Variants in ZNF493 observed in about 807,000 individuals in gnomAD.
The protein encoded by ZNF493 is zinc finger protein 493.
In ZNF493, 11 loss-of-function variants were observed where a neutral mutation model predicts 12.2. The observed-to-expected ratio is 0.90, with a 90% CI of 0.57 to 1.50. The LOEUF (loss-of-function observed/expected upper bound fraction) is 1.50. Ranked by LOEUF, ZNF493 falls within the 40% of genes most tolerant of loss-of-function variation. The probability of loss-of-function intolerance (pLI) is 0.00; values close to 1 mark genes in which losing one functional copy is unlikely to be tolerated. For synonymous variants in ZNF493, 286 were observed against 302.6 expected (o/e 0.95, Z 0.57); for missense variants, 950 against 906.6 (o/e 1.05, Z -0.61).
At position 21,427,563 on chromosome 19, in the gene ZNF493, T is replaced by C. The variant is rs2030886159; in HGVS notation, c.*2579T>C. On this transcript the variant is annotated 3_prime_UTR_variant, in exon 4 of 4. Transcript: ENST00000392288. ...ATATTATTGTGCATTCAATAAAGTG[T>C]TGTTATGCCACAAAGATTAACATTT... 3 of 152,194 alleles carry C rather than the reference T, an allele frequency of 2.0e-5. No homozygotes were observed. 9.4% of individuals were successfully genotyped at this position (152,194 alleles called of 1,614,324 possible). A position where few individuals can be genotyped will look rare whatever the true frequency, so the allele number is the denominator to read the frequency against.
chr19:21,406,864 C>CTATA (rs1369041000), intron 3 of ZNF493, among the ~76,000 whole-genome samples: 1 of 151,800 alleles, frequency 6.6e-6, no homozygotes, highest in Non-Finnish European at 1.5e-5. Flanking sequence ...TTTGCTGAAT[C>CTATA]TATAGATTAC....
intron 3 of ZNF493, chr19:21,413,506 A>T: frequency 2.5e-6 from 1 of 404,460 alleles, no homozygotes; most frequent in Non-Finnish European, 4.3e-6. Context: ...GATCTGTCCC[A>T]AGGTGGGTGG....
intron 1 of ZNF493, among the ~76,000 whole-genome samples, chr19:21,400,741 A>G (rs542360252): frequency 1.4e-3 from 208 of 152,324 alleles, no homozygotes; most frequent in Non-Finnish European, 2.1e-3. Flanking sequence ...TTAAGATAAA[A>G]GGGGACAGGG....
rs1296853792 is a variant in ZNF493 at position 21,426,480 on chromosome 19, T to A, written c.*1496T>A. On this transcript the variant is annotated 3_prime_UTR_variant, in exon 4 of 4. Coordinates refer to ENST00000392288, the MANE Select transcript of ZNF493 (RefSeq NM_001076678.3). ...TTTCAGAAAATATTATCCTTTAAAG[T>A]GAAGGAGAGTATTTATATTAAAGAT... The A allele has an allele frequency of 6.0e-6, 1 of 167,318 alleles. No individual in the cohort carries two copies. Among genetic ancestry groups the A allele is most frequent in the Non-Finnish European group, 1.5e-5 (1 of 68,416 alleles). The allele number at this position is 167,318 out of a possible 1,614,324, so 10.4% of individuals were successfully genotyped here.
At chr19:21,401,147 GAA>G (rs2029931471) in intron 1 of ZNF493, among the ~76,000 whole-genome samples, 2 of 152,126 alleles carry the variant, frequency 1.3e-5, no homozygotes. Flanking sequence ...CTAGTTTTTT[GAA>G]AGTTTTAAAC....
At chr19:21,422,467 A>AT (rs1229203561) in intron 3 of ZNF493, among the ~76,000 whole-genome samples, 9 of 67,266 alleles carry the variant, frequency 1.3e-4, no homozygotes, top group African/African-American at 4.7e-5. Flanking sequence ...TTATTTTTAT[A>AT]ATTTTTTTTT....
Position 21,397,321 on chromosome 19 carries a change from G to T in ZNF493, c.30+54G>T, listed in dbSNP as rs754496673. Reference sequence around the variant, plus strand: ...AGAGGGGAAGGAGTTGCTCGGAACCGGTGGGAAGTGGCTGTGGCGGGACTC... The same window carrying T: ...AGAGGGGAAGGAGTTGCTCGGAACCTGTGGGAAGTGGCTGTGGCGGGACTC... On this transcript the variant is annotated intron_variant, in intron 1 of 3. Coordinates refer to ENST00000392288, the MANE Select transcript of ZNF493 (RefSeq NM_001076678.3). 3.1e-6 allele frequency: 5 copies of T among 1,607,648 alleles called. No homozygotes were observed. The African/African-American group carries it at 6.7e-5, about 21-fold the overall frequency.
At chr19:21,399,545 G>C (rs1974227902) in intron 1 of ZNF493, among the ~76,000 whole-genome samples, 1 of 152,116 alleles carries the variant, frequency 6.6e-6, no homozygotes, top group Admixed American at 6.5e-5. Flanking sequence ...CAGTTTTTTA[G>C]CTGTAAATTG....
chr19:21,421,620 C>A lies in ZNF493; in HGVS notation c.254-1293C>A, dbSNP rs1426087342. Among the ~76,000 whole-genome samples the A allele has an allele frequency of 3.3e-5, 5 of 152,154 alleles. No individual in the cohort carries two copies. In the South Asian group the frequency reaches 6.2e-4, roughly 19 times the overall value. On this transcript the variant is annotated intron_variant, in intron 3 of 3. Transcript: ENST00000392288. ...CCTCAGGTGATCCACCCACCTCAGC[C>A]TCCCAAAGTGTGGGATTACAGGTGT... is the stretch of plus-strand genomic sequence containing the variant.
chr19:21,426,153 A>G lies in ZNF493; in HGVS notation c.*1169A>G, dbSNP rs1255760882. ...TCTGACAACATCTCAAACTTTTCTA[A>G]TCATAAAAGAAATCATATTGGTGAG... On this transcript the variant is annotated 3_prime_UTR_variant, in exon 4 of 4. Coordinates refer to ENST00000392288, the MANE Select transcript of ZNF493 (RefSeq NM_001076678.3). 8.7e-6 allele frequency: 2 copies of G among 230,372 alleles called. No homozygotes were observed. The highest frequency in any genetic ancestry group is 1.9e-5 in the Non-Finnish European group (2 of 105,080). 14.3% of individuals were successfully genotyped at this position (230,372 alleles called of 1,614,324 possible).
intron 1 of ZNF493, 23 bp from the exon 2 acceptor site, chr19:21,405,106 G>C (rs1331244518): frequency 6.2e-7 from 1 of 1,609,182 alleles, no homozygotes; most frequent in African/African-American, 1.3e-5. Context: ...GTGTGTGTGT[G>C]TGTTTGTGTG....
intron 3 of ZNF493, among the ~76,000 whole-genome samples, chr19:21,416,747 G>T (rs150823682): frequency 0.037 from 5,576 of 152,112 alleles, 334 homozygotes; most frequent in African/African-American, 0.13. Context: ...TGTGCTATGC[G>T]CTCTCCTGGC....
intron 3 of ZNF493, among the ~76,000 whole-genome samples, chr19:21,420,229 ATTG>A (rs1227718514): frequency 6.6e-6 from 1 of 151,988 alleles, no homozygotes; most frequent in Non-Finnish European, 1.5e-5. Flanking sequence ...ATGTTAATTT[ATTG>A]TTCTATTTGA....
chr19:21,427,539 T>C lies in ZNF493; in HGVS notation c.*2555T>C, dbSNP rs2030885643. ...GTTTCAACATTTTTAACATGGTAAATATTATTGTGCATTCAATAAAGTGTT... is the reference window on the plus strand; with the variant it reads ...GTTTCAACATTTTTAACATGGTAAACATTATTGTGCATTCAATAAAGTGTT... On this transcript the variant is annotated 3_prime_UTR_variant, in exon 4 of 4. Transcript: ENST00000392288. 1 of 152,112 alleles carries C rather than the reference T, an allele frequency of 6.6e-6. No individual in the cohort carries two copies. Among genetic ancestry groups the C allele is most frequent in the Non-Finnish European group, 1.5e-5 (1 of 68,036 alleles). 9.4% of individuals were successfully genotyped at this position (152,112 alleles called of 1,614,324 possible). A position where few individuals can be genotyped will look rare whatever the true frequency, so the allele number is the denominator to read the frequency against.
In ZNF493 at chr19:21,423,330, C is replaced by G. The variant is rs758112302; in HGVS notation, c.671C>G (p.Thr224Ser). ...ECGKAFIWFS[T>S]LTRHRRVHTG... ...GGCAAAGCCTTTATCTGGTTTTCAACCCTTACTAGACACAGGAGAGTTCAT... is the reference window on the plus strand; with the variant it reads ...GGCAAAGCCTTTATCTGGTTTTCAAGCCTTACTAGACACAGGAGAGTTCAT... The change falls in exon 4 of 4, where the codon ACC becomes AGC. Residue 224 changes from threonine (T) to serine (S), a missense_variant. Physicochemically the swap from Thr to Ser is moderately conservative, Grantham distance 58 (BLOSUM62 1). Coordinates refer to ENST00000392288, the MANE Select transcript of ZNF493 (RefSeq NM_001076678.3). 14 of 1,613,262 alleles carry G rather than the reference C, an allele frequency of 8.7e-6. No individual in the cohort carries two copies. Among genetic ancestry groups the G allele is most frequent in the Non-Finnish European group, 2.5e-6 (3 of 1,179,726 alleles).
chr19:21,421,852 A>G (rs766516997), intron 3 of ZNF493, among the ~76,000 whole-genome samples: 3 of 151,908 alleles, frequency 2.0e-5, no homozygotes, highest in Non-Finnish European at 2.9e-5. Context: ...GAAATTATTC[A>G]TCTTTTTTTT....
chr19:21,400,900 A>G (rs1470947608), intron 1 of ZNF493, among the ~76,000 whole-genome samples: 2 of 152,224 alleles, frequency 1.3e-5, no homozygotes, highest in East Asian at 3.8e-4. Context: ...TCATCTGCAC[A>G]CAGGAATAGT....
At chr19:21,416,215 C>T (rs375500578) in intron 3 of ZNF493, among the ~76,000 whole-genome samples, 2 of 152,096 alleles carry the variant, frequency 1.3e-5, no homozygotes, top group African/African-American at 2.4e-5. Context: ...TCTGTTTTTC[C>T]GCTGGAAGTG....
intron 3 of ZNF493, among the ~76,000 whole-genome samples, chr19:21,418,186 CTT>C (rs753693125): frequency 7.9e-5 from 12 of 152,164 alleles, no homozygotes; most frequent in Non-Finnish European, 1.6e-4. Flanking sequence ...TCAGGCCACT[CTT>C]TTTCTTCAAA....
Sources: gnomAD v4.1 joint callset for allele counts (sites outside exome capture counted in the v4.1 genomes callset) on GRCh38, gnomAD v4.1.1 for gene constraint, MANE v1.5 for transcripts, NCBI Gene and HGNC (gene_info 2026-07-23, HGNC 2026-07-21) for gene names.